AKAP13: variants seen among roughly 807,000 people sequenced by gnomAD.
AKAP13 encodes the protein A-kinase anchoring protein 13.
In AKAP13, 80 loss-of-function variants were observed where a neutral mutation model predicts 264.5. The ratio of observed to expected loss-of-function variants is 0.30; its 90% CI spans 0.25 to 0.36. AKAP13 has a LOEUF of 0.36. Ranked by LOEUF, AKAP13 falls within the 10% of genes least tolerant of loss-of-function variation. The pLI, the probability that AKAP13 is intolerant of heterozygous loss-of-function variation, is 1.00. For missense variants in AKAP13, 3,712 were observed against 3,435.2 expected (o/e 1.08, Z -2.01); for synonymous variants, 1,380 against 1,250.2 (o/e 1.10, Z -2.19).
chr15:85,620,037 T>G, intron 8 of AKAP13: 3 of 1,535,030 alleles, frequency 2.0e-6, no homozygotes, highest in Non-Finnish European at 1.7e-6. Flanking sequence ...GGTCCCCAAG[T>G]TAACAGTGGA....
At chr15:85,722,937 T>C in intron 25 of AKAP13, 135 bp from the exon 26 acceptor site, 3 of 1,184,124 alleles carry the variant, frequency 2.5e-6, no homozygotes, top group Non-Finnish European at 3.5e-6. Context: ...GCACATGATC[T>C]CTGACGTGTT....
At position 85,745,828 on chromosome 15, in the gene AKAP13, G is replaced by A. The variant is rs1008086370; in HGVS notation, c.*1151G>A. ...GAGCTGGCCCGGAAGGCGTGGTTGT[G>A]AAAGCGCCCTTCTTATGTTAGGAGG... On this transcript the variant is annotated 3_prime_UTR_variant, in exon 37 of 37. Coordinates refer to ENST00000394518, the MANE Select transcript of AKAP13 (RefSeq NM_007200.5). The A allele has an allele frequency of 3.9e-5, 6 of 152,346 alleles. No homozygotes were observed. The highest frequency in any genetic ancestry group is 1.4e-4 in the African/African-American group (6 of 41,464). The allele number at this position is 152,346 out of a possible 1,614,324, so 9.4% of individuals were successfully genotyped here.
intron 2 of AKAP13, among the ~76,000 whole-genome samples, chr15:85,496,301 A>G (rs1283091751): frequency 6.6e-6 from 1 of 152,166 alleles, no homozygotes; most frequent in Non-Finnish European, 1.5e-5. Flanking sequence ...TTCTACCACC[A>G]CATTGGGTTC....
At chr15:85,511,788 G>A (rs1410996723) in intron 2 of AKAP13, among the ~76,000 whole-genome samples, 1 of 152,068 alleles carries the variant, frequency 6.6e-6, no homozygotes, top group African/African-American at 2.4e-5. Flanking sequence ...CACTGCGCCT[G>A]GCCCAAATTA....
In AKAP13 at chr15:85,696,202, G is replaced by A. The variant is rs140490821; in HGVS notation, c.5464+2751G>A. ...TCATGACTTCTTTGAAGGAATTTGT[G>A]TAACTCTCATCATTTTCATTTGATT... On this transcript the variant is annotated intron_variant, in intron 17 of 36. Transcript: ENST00000394518. Among the ~76,000 whole-genome samples the A allele has an allele frequency of 1.2e-4, 19 of 152,236 alleles. No individual in the cohort carries two copies. In the East Asian group the frequency reaches 3.7e-3, roughly 29 times the overall value.
At chr15:85,399,992 C>T (rs558561350) in intron 1 of AKAP13, among the ~76,000 whole-genome samples, 12 of 152,228 alleles carry the variant, frequency 7.9e-5, no homozygotes, top group East Asian at 3.9e-4. Flanking sequence ...GATGGTGTCT[C>T]GCTGTGTTGA....
In AKAP13 at chr15:85,723,169, A is replaced by G. The variant is rs141401561; in HGVS notation, c.6594A>G (p.Lys2198=). ...VDSKVASYEK[K]VRLNEIYTKT... ...GCAAAGTGGCAAGTTATGAAAAGAA[A>G]GTGCGTCTCAATGAGATTTATACAA... is the stretch of plus-strand genomic sequence containing the variant. Residue 2198 remains lysine, a synonymous_variant, in exon 26 of 37, where the codon AAA becomes AAG. Coordinates refer to ENST00000394518, the MANE Select transcript of AKAP13 (RefSeq NM_007200.5). 6.2e-7 allele frequency: 1 copy of G among 1,614,172 alleles called. No individual in the cohort carries two copies. The highest frequency in any genetic ancestry group is 8.5e-7 in the Non-Finnish European group (1 of 1,179,994).
intron 5 of AKAP13, chr15:85,544,234 G>A (rs1275393315): frequency 1.7e-5 from 9 of 539,424 alleles, no homozygotes; most frequent in Non-Finnish European, 3.2e-5. Context: ...TCAAAAGTCA[G>A]AATGAGCCTT....
chr15:85,634,461 A>G (rs978074393), intron 8 of AKAP13, among the ~76,000 whole-genome samples: 2 of 152,240 alleles, frequency 1.3e-5, no homozygotes, highest in African/African-American at 4.8e-5. Context: ...ACATCTAAGT[A>G]TGTCAGTTTT....
chr15:85,541,364 A>G (rs1321359548), intron 4 of AKAP13, among the ~76,000 whole-genome samples: 2 of 152,234 alleles, frequency 1.3e-5, no homozygotes, highest in Non-Finnish European at 2.9e-5. Flanking sequence ...AATATAGAAA[A>G]ACATTAATTG....
chr15:85,686,691 G>A (rs1014261655), intron 16 of AKAP13, among the ~76,000 whole-genome samples: 2 of 151,878 alleles, frequency 1.3e-5, no homozygotes, highest in Admixed American at 6.6e-5. Context: ...TTAAAATAGA[G>A]CCTTACCTTT....
chr15:85,497,738 A>G (rs2075912070), intron 2 of AKAP13, among the ~76,000 whole-genome samples: 1 of 152,226 alleles, frequency 6.6e-6, no homozygotes, highest in African/African-American at 2.4e-5. Context: ...CTGATTGCAG[A>G]TAGAAAATAT....
intron 1 of AKAP13, among the ~76,000 whole-genome samples, chr15:85,402,921 T>C (rs530666312): frequency 6.6e-6 from 1 of 152,372 alleles, no homozygotes; most frequent in Non-Finnish European, 1.5e-5. Context: ...GTTTTGTAGC[T>C]GTGAGACGTT....
At chr15:85,736,069 T>C (rs934477051) in intron 32 of AKAP13, 21 bp from the exon 33 acceptor site, 3 of 1,556,582 alleles carry the variant, frequency 1.9e-6, no homozygotes, top group African/African-American at 2.7e-5. Flanking sequence ...TTTTTTTATA[T>C]GTATGTTTTT....
chr15:85,628,132 C>T lies in AKAP13; in HGVS notation c.4162-11242C>T, dbSNP rs187119219. On this transcript the variant is annotated intron_variant, in intron 8 of 36. Transcript: ENST00000394518. ...AGCTGTCTCACTGAATCTGATAATC[C>T]GTAGACTCATAAGGATGTATGTATA... Among the ~76,000 whole-genome samples, 60 of 152,214 alleles carry T rather than the reference C, an allele frequency of 3.9e-4. 1 individual carries two copies. In the East Asian group the frequency reaches 0.01, roughly 26 times the overall value.
rs560646018 is a variant in AKAP13 at position 85,527,107 on chromosome 15, C to T, written c.181+5532C>T. ...GTTCCCGAGTAGCTGGGACTACAGG[C>T]GCCCGCCACCACGCCCGGCTAAGTT... On this transcript the variant is annotated intron_variant, in intron 3 of 36. Coordinates refer to ENST00000394518, the MANE Select transcript of AKAP13 (RefSeq NM_007200.5). Among the ~76,000 whole-genome samples the T allele has an allele frequency of 2.4e-3, 366 of 152,142 alleles. 3 individuals are homozygous for T. The highest frequency in any genetic ancestry group is 8.3e-3 in the African/African-American group (346 of 41,510).
chr15:85,399,515 A>T (rs376856348), intron 1 of AKAP13, among the ~76,000 whole-genome samples: 25,793 of 117,422 alleles, frequency 0.22, 2,842 homozygotes, highest in Middle Eastern at 0.35. Flanking sequence ...AAAAAAAAAA[A>T]AAAAAAATAA....
chr15:85,420,583 G>T (rs1007003936), intron 1 of AKAP13, among the ~76,000 whole-genome samples: 2 of 152,122 alleles, frequency 1.3e-5, no homozygotes, highest in African/African-American at 2.4e-5. Flanking sequence ...CCCTAATTGG[G>T]ATTAGGAGGA....
At chr15:85,608,446 GAAATGGCTGTTGCCTT>G (rs1180880978) in intron 8 of AKAP13, among the ~76,000 whole-genome samples, 1 of 152,186 alleles carries the variant, frequency 6.6e-6, no homozygotes, top group Non-Finnish European at 1.5e-5. Flanking sequence ...AGAAATTTAA[GAAATGGCTGTTGCCTT>G]TAAGGCAATT....
Sources: gnomAD v4.1 joint callset for allele counts (sites outside exome capture counted in the v4.1 genomes callset) on GRCh38, gnomAD v4.1.1 for gene constraint, MANE v1.5 for transcripts, NCBI Gene and HGNC (gene_info 2026-07-23, HGNC 2026-07-21) for gene names.